Variants in B3GAT3 observed in about 807,000 individuals in gnomAD.
B3GAT3 encodes galactosylgalactosylxylosylprotein 3-beta-glucuronosyltransferase 3.
B3GAT3 carries 19 observed loss-of-function variants against 33.1 expected under a neutral mutation model. The ratio of observed to expected loss-of-function variants is 0.57; its 90% CI spans 0.40 to 0.84. The LOEUF (loss-of-function observed/expected upper bound fraction) is 0.84, where lower values mean the gene tolerates loss of function less well. Ranked by LOEUF, B3GAT3 falls within the 40% of genes least tolerant of loss-of-function variation. The probability of loss-of-function intolerance (pLI) is 0.00; values close to 1 mark genes in which losing one functional copy is unlikely to be tolerated. For synonymous variants in B3GAT3, 167 were observed against 193.5 expected (o/e 0.86, Z 1.14); for missense variants, 344 against 441.5 (o/e 0.78, Z 1.98).
At chr11:62,617,930 C>G (rs1943065831) in intron 2 of B3GAT3, among the ~76,000 whole-genome samples, 1 of 150,832 alleles carries the variant, frequency 6.6e-6, no homozygotes, top group African/African-American at 2.4e-5. Flanking sequence ...AATCCCAGCA[C>G]TTTAGGAGGC....
Position 62,617,018 on chromosome 11 carries a change from T to A in B3GAT3, c.587A>T (p.Asp196Val). 1 of 1,614,198 alleles carries A rather than the reference T, an allele frequency of 6.2e-7. No homozygotes were observed. The highest frequency in any genetic ancestry group is 1.7e-5 in the Admixed American group (1 of 60,016). Reference sequence around the variant, plus strand: ...AAACAGCTCCCGGCTGTAGGTGTTGTCATCGTCAGCAAAGTAGACGACTCC... The same window carrying A: ...AAACAGCTCCCGGCTGTAGGTGTTGACATCGTCAGCAAAGTAGACGACTCC... Reference protein sequence around the residue: ...TQGVVYFADDDNTYSRELFEE... With the variant: ...TQGVVYFADDVNTYSRELFEE... The change falls in exon 3 of 5, where the codon GAC (aspartate) becomes GTC (valine). Residue 196 changes from aspartate (D) to valine (V), a missense_variant. Coordinates refer to ENST00000265471, the MANE Select transcript of B3GAT3 (RefSeq NM_012200.4).
chr11:62,615,408 AC>A lies in B3GAT3; in HGVS notation c.*292del. On this transcript the variant is annotated 3_prime_UTR_variant, in exon 5 of 5. Coordinates refer to ENST00000265471, the MANE Select transcript of B3GAT3 (RefSeq NM_012200.4). Reference sequence around the variant, plus strand: ...AGTGCATGCCCAGCCCCAATAAGTTACCCAGTTACTCAGCTGCCCTCCCTCC... The same window carrying A: ...AGTGCATGCCCAGCCCCAATAAGTTACCAGTTACTCAGCTGCCCTCCCTCC... 3.7e-6 allele frequency: 2 copies of A among 540,864 alleles called. No individual in the cohort carries two copies. Among genetic ancestry groups the A allele is most frequent in the South Asian group, 2.0e-5 (1 of 49,738 alleles). 33.5% of individuals were successfully genotyped at this position (540,864 alleles called of 1,614,324 possible).
At position 62,616,898 on chromosome 11, in the gene B3GAT3, C is replaced by T. The variant is rs1330034224; in HGVS notation, c.618+89G>A. 7 of 1,612,492 alleles carry T rather than the reference C, an allele frequency of 4.3e-6. No individual in the cohort carries two copies. The African/African-American group carries it at 5.3e-5, about 12-fold the overall frequency. On this transcript the variant is annotated intron_variant, in intron 3 of 4. Coordinates refer to ENST00000265471, the MANE Select transcript of B3GAT3 (RefSeq NM_012200.4). ...CTGCCCCACTGCTTCCAGCCCCTCACCCAGCAGCCAACGGCAACACTGCTA... is the reference window on the plus strand; with the variant it reads ...CTGCCCCACTGCTTCCAGCCCCTCATCCAGCAGCCAACGGCAACACTGCTA...
chr11:62,617,320 T>C lies in B3GAT3; in HGVS notation c.285A>G (p.Arg95=), dbSNP rs777849239. The part of the protein sequence containing the change: ...ARLVQKAELV[R]LSQTLSLVPR... ...GCACCAGGCTCAGTGTCTGGGACAGTCGTACCAGCTCTGCCTTCTGTACCA... is the reference window on the plus strand; with the variant it reads ...GCACCAGGCTCAGTGTCTGGGACAGCCGTACCAGCTCTGCCTTCTGTACCA... Residue 95 remains arginine (R), a synonymous_variant, in exon 3 of 5, where the codon CGA becomes CGG. Transcript: ENST00000265471. The C allele has an allele frequency of 2.7e-5, 43 of 1,612,778 alleles. No homozygotes were observed. Among genetic ancestry groups the C allele is most frequent in the Non-Finnish European group, 3.5e-5 (41 of 1,179,960 alleles).
At chr11:62,619,652 C>A in intron 2 of B3GAT3, among the ~76,000 whole-genome samples, 1 of 146,568 alleles carries the variant, frequency 6.8e-6, no homozygotes, top group Non-Finnish European at 1.5e-5. Context: ...CCACCTCAGC[C>A]TCCAGAGTAG....
In B3GAT3 at chr11:62,617,018, T is replaced by C; in HGVS notation, c.587A>G (p.Asp196Gly). The C allele has an allele frequency of 1.2e-6, 2 of 1,614,198 alleles. No individual in the cohort carries two copies. The highest frequency in any genetic ancestry group is 1.1e-5 in the South Asian group (1 of 91,082). The change falls in exon 3 of 5, where the codon GAC (aspartate) becomes GGC (glycine). Residue 196 changes from aspartate (D) to glycine (G), a missense_variant. Physicochemically the swap from Asp to Gly is moderately conservative, Grantham distance 94. Coordinates refer to ENST00000265471, the MANE Select transcript of B3GAT3 (RefSeq NM_012200.4). ...TQGVVYFADDDNTYSRELFEE... is the reference protein window; with the variant it reads ...TQGVVYFADDGNTYSRELFEE... ...AAACAGCTCCCGGCTGTAGGTGTTG[T>C]CATCGTCAGCAAAGTAGACGACTCC...
Position 62,615,512 on chromosome 11 carries a change from T to G in B3GAT3, c.*189A>C. On this transcript the variant is annotated 3_prime_UTR_variant, in exon 5 of 5. Transcript: ENST00000265471. ...ACAAGGGCTGCTTGTCCCCAGCCTGTGGGCAGTGCCACACGGCAGGCTAGG... is the reference window on the plus strand; with the variant it reads ...ACAAGGGCTGCTTGTCCCCAGCCTGGGGGCAGTGCCACACGGCAGGCTAGG... 1 of 1,077,220 alleles carries G rather than the reference T, an allele frequency of 9.3e-7. No homozygotes were observed. Among genetic ancestry groups the G allele is most frequent in the Non-Finnish European group, 1.3e-6 (1 of 753,070 alleles). The allele number at this position is 1,077,220 out of a possible 1,614,324, so 66.7% of individuals were successfully genotyped here. A position where few individuals can be genotyped will look rare whatever the true frequency, so the allele number is the denominator to read the frequency against.
chr11:62,621,788 G>C, intron 1 of B3GAT3, 78 bp downstream of exon 1: 11 of 1,409,870 alleles, frequency 7.8e-6, no homozygotes, highest in Middle Eastern at 4.5e-4. Flanking sequence ...GTTTGCCGGG[G>C]GTTCATCCCC....
At chr11:62,615,834 A>G (rs775230481) in intron 4 of B3GAT3, 35 bp from the exon 5 acceptor site, 11 of 1,607,388 alleles carry the variant, frequency 6.8e-6, no homozygotes, top group South Asian at 4.4e-5. Context: ...AGCCAGGCCC[A>G]GCTGCAGCCA....
At chr11:62,617,738 G>A (rs1038235394) in intron 2 of B3GAT3, among the ~76,000 whole-genome samples, 1 of 152,098 alleles carries the variant, frequency 6.6e-6, no homozygotes, top group Non-Finnish European at 1.5e-5. Flanking sequence ...TTTGCTGGGT[G>A]TAGTGGCACA....
chr11:62,616,242 T>TCAA lies in B3GAT3; in HGVS notation c.909+263_909+264insTTG, dbSNP rs759448109. The TCAA allele has an allele frequency of 9.9e-5, 47 of 472,406 alleles. 1 individual carries two copies. Among genetic ancestry groups the TCAA allele is most frequent in the Middle Eastern group, 3.3e-4 (1 of 3,048 alleles). The allele number at this position is 472,406 out of a possible 1,614,324, so 29.3% of individuals were successfully genotyped here. A position where few individuals can be genotyped will look rare whatever the true frequency, so the allele number is the denominator to read the frequency against. The stretch of plus-strand genomic sequence containing the variant: ...CTGGGTGACACAGCGAGACTCTGTC[T>TCAA]GAAAAAAAAAAAAAAACAACAAACA... On this transcript the variant is annotated intron_variant, in intron 4 of 4. Transcript: ENST00000265471.
chr11:62,618,545 C>T (rs1943078019), intron 2 of B3GAT3, among the ~76,000 whole-genome samples: 1 of 150,892 alleles, frequency 6.6e-6, no homozygotes, highest in Non-Finnish European at 1.5e-5. Flanking sequence ...ACCTGTAGTC[C>T]CAGCTACTTG....
chr11:62,619,043 C>T (rs1057486320), intron 2 of B3GAT3, among the ~76,000 whole-genome samples: 18 of 150,400 alleles, frequency 1.2e-4, no homozygotes, highest in Non-Finnish European at 2.5e-4. Context: ...CCCAGCTACT[C>T]GGGAGGCTGA....
Position 62,621,858 on chromosome 11 carries a change from C to T in B3GAT3, c.82+8G>A, listed in dbSNP as rs1190179669. 3.7e-6 allele frequency: 6 copies of T among 1,610,478 alleles called. No homozygotes were observed. The East Asian group carries it at 6.7e-5, about 18-fold the overall frequency. On this transcript the variant is annotated splice_region_variant and intron_variant, in intron 1 of 4. Transcript: ENST00000265471. ...CAGCCCGCCGCACCCCCGCCCCGCC[C>T]CGCTCACCGAGCTGTACCAGCGCGT...
intron 4 of B3GAT3, 177 bp from the exon 5 acceptor site, chr11:62,615,976 G>A (rs1189648184): frequency 2.7e-6 from 4 of 1,478,198 alleles, no homozygotes; most frequent in East Asian, 5.0e-5. Flanking sequence ...CGGGCGCGTG[G>A]CTCACGCCTG....
rs111242496 is a variant in B3GAT3, at chr11:62,616,509, A to C, written c.906T>G (p.Thr302=). 1.2e-4 allele frequency: 201 copies of C among 1,614,072 alleles called. 1 individual carries two copies. In the African/African-American group the frequency reaches 2.1e-3, roughly 17 times the overall value. The change falls in exon 4 of 5, where the codon ACT becomes ACG. Residue 302 remains threonine, a synonymous_variant. Transcript: ENST00000265471. ...KDLEPRAANC[T]RVLVWHTRTE... ...ATGCCCATCTCCATTCCCTTACCCG[A>C]GTGCAGTTGGCAGCCCGTGGCTCCA...
chr11:62,617,045 T>C lies in B3GAT3; in HGVS notation c.560A>G (p.Gln187Arg). The change falls in exon 3 of 5, where the codon CAA (glutamine) becomes CGA (arginine). Residue 187 changes from glutamine (Q) to arginine (R), a missense_variant. Physicochemically the swap from Gln to Arg is conservative, Grantham distance 43. Coordinates refer to ENST00000265471, the MANE Select transcript of B3GAT3 (RefSeq NM_012200.4). ...ATCGTCAGCAAAGTAGACGACTCCT[T>C]GGGTCCCTGGTGGTGGTGGGTCCTT... ...GEKDPPPPGTQGVVYFADDDN... is the reference protein window; with the variant it reads ...GEKDPPPPGTRGVVYFADDDN... 6.2e-7 allele frequency: 1 copy of C among 1,614,160 alleles called. No homozygotes were observed. Among genetic ancestry groups the C allele is most frequent in the Non-Finnish European group, 8.5e-7 (1 of 1,180,020 alleles).
At chr11:62,621,757 A>C (rs971725915) in intron 1 of B3GAT3, 109 bp downstream of exon 1, 22 of 1,202,168 alleles carry the variant, frequency 1.8e-5, no homozygotes, top group Non-Finnish European at 2.2e-5. Flanking sequence ...AGCTGTCCGG[A>C]GGGCCGAGCG....
intron 2 of B3GAT3, among the ~76,000 whole-genome samples, chr11:62,619,412 C>T (rs1480434898): frequency 6.6e-6 from 1 of 152,056 alleles, no homozygotes; most frequent in Non-Finnish European, 1.5e-5. Flanking sequence ...ATTAGTAAAA[C>T]CAATTACATT....
Sources: gnomAD v4.1 joint callset for allele counts (sites outside exome capture counted in the v4.1 genomes callset) on GRCh38, gnomAD v4.1.1 for gene constraint, MANE v1.5 for transcripts, NCBI Gene and HGNC (gene_info 2026-07-23, HGNC 2026-07-21) for gene names.